The following METTL15 variants were observed in gnomAD, a reference collection of about 807,000 sequenced individuals.
METTL15 encodes the protein methyltransferase 15, mitochondrial 12S rRNA N4-cytidine.
Under a neutral mutation model 38.3 loss-of-function variants are expected in METTL15, and 34 were observed. The ratio of observed to expected loss-of-function variants is 0.89; its 90% CI spans 0.68 to 1.18. METTL15 has a LOEUF of 1.18. Ranked by LOEUF, METTL15 falls within the 50% of genes most tolerant of loss-of-function variation. The pLI is 0.00. For synonymous variants in METTL15, 162 were observed against 170.9 expected (o/e 0.95, Z 0.41); for missense variants, 438 against 498.4 (o/e 0.88, Z 1.15).
chr11:28,269,199 T>C (rs1324827351), intron 4 of METTL15, among the ~76,000 whole-genome samples: 1 of 152,148 alleles, frequency 6.6e-6, no homozygotes, highest in Non-Finnish European at 1.5e-5. Flanking sequence ...CTGGAAACCA[T>C]TAGCGATGCA....
chr11:28,337,133 T>C (rs1849907921), downstream of METTL15, among the ~76,000 whole-genome samples: 1 of 152,162 alleles, frequency 6.6e-6, no homozygotes, highest in South Asian at 2.1e-4. Flanking sequence ...AGAAAATGTT[T>C]TTGTACAGCA....
intron 5 of METTL15, among the ~76,000 whole-genome samples, chr11:28,291,127 A>G (rs1400834965): frequency 6.6e-6 from 1 of 150,758 alleles, no homozygotes; most frequent in Non-Finnish European, 1.5e-5. Context: ...TCGCACTGCA[A>G]CCTCCACCTC....
At chr11:28,479,268 A>T (rs1851374916) in intron 6 of METTL15, among the ~76,000 whole-genome samples, 1 of 152,190 alleles carries the variant, frequency 6.6e-6, no homozygotes, top group African/African-American at 2.4e-5. Context: ...AATAAGAAAG[A>T]TAGAAGCCCT....
chr11:28,237,563 C>T (rs772780953), intron 4 of METTL15, among the ~76,000 whole-genome samples: 9 of 152,240 alleles, frequency 5.9e-5, no homozygotes, highest in East Asian at 1.9e-4. Flanking sequence ...TCTTGTAGCT[C>T]GGAATAGTTT....
chr11:28,376,322 G>T (rs1300799274), intron 5 of METTL15, among the ~76,000 whole-genome samples: 1 of 151,876 alleles, frequency 6.6e-6, no homozygotes, highest in Non-Finnish European at 1.5e-5. Context: ...GTAGGTCTCA[G>T]GACTTGCTTT....
At chr11:28,310,902 CTGCTGCTGCTGCTGGTGGTGGTGG>C (rs1462803219) in intron 6 of METTL15, among the ~76,000 whole-genome samples, 2 of 91,088 alleles carry the variant, frequency 2.2e-5, no homozygotes, top group Non-Finnish European at 4.7e-5. Flanking sequence ...GCTGCTGCTG[CTGCTGCTGCTGCTGGTGGTGGTGG>C]TGGTGGTGGT....
chr11:28,135,541 CT>C (rs1849486334), intron 3 of METTL15, among the ~76,000 whole-genome samples: 1 of 152,178 alleles, frequency 6.6e-6, no homozygotes, highest in African/African-American at 2.4e-5. Context: ...TCCCAAGGGG[CT>C]TTTATTGGCT....
chr11:28,121,912 A>G (rs1455937937), intron 3 of METTL15, among the ~76,000 whole-genome samples: 1 of 152,030 alleles, frequency 6.6e-6, no homozygotes, highest in African/African-American at 2.4e-5. Context: ...CTGCCTGGCA[A>G]TGTGATGAAT....
intron 6 of METTL15, among the ~76,000 whole-genome samples, chr11:28,508,356 C>T (rs1851646771): frequency 6.6e-6 from 1 of 152,144 alleles, no homozygotes; most frequent in Non-Finnish European, 1.5e-5. Flanking sequence ...TAATAGCTGC[C>T]TAACAAATAC....
intron 3 of METTL15, among the ~76,000 whole-genome samples, chr11:28,116,491 C>T (rs1851963215): frequency 6.6e-6 from 1 of 152,160 alleles, no homozygotes; most frequent in Admixed American, 6.6e-5. Context: ...AACTGGACTG[C>T]CTAGGTTCTA....
chr11:28,221,107 T>C (rs1853193082), intron 4 of METTL15, among the ~76,000 whole-genome samples: 1 of 152,212 alleles, frequency 6.6e-6, no homozygotes, highest in Admixed American at 6.5e-5. Flanking sequence ...AATGTTGGCC[T>C]ACCTTGCTAG....
At chr11:28,205,145 G>C (rs1486916121) in intron 3 of METTL15, among the ~76,000 whole-genome samples, 1 of 151,724 alleles carries the variant, frequency 6.6e-6, no homozygotes, top group Non-Finnish European at 1.5e-5. Flanking sequence ...TAGGGTACAT[G>C]TGCACAATGT....
chr11:28,475,420 G>A (rs1390262636), intron 6 of METTL15, among the ~76,000 whole-genome samples: 3 of 152,026 alleles, frequency 2.0e-5, no homozygotes, highest in Non-Finnish European at 4.4e-5. Flanking sequence ...TACTTACTTA[G>A]TCCAAAGAGT....
intron 4 of METTL15, among the ~76,000 whole-genome samples, chr11:28,262,341 A>G (rs1205098319): frequency 6.6e-6 from 1 of 151,010 alleles, no homozygotes; most frequent in Non-Finnish European, 1.5e-5. Context: ...GCATACAGAT[A>G]TATACACTAT....
rs1470144861 is a variant in METTL15, at chr11:28,225,797, A to G, written c.407+14599A>G. Among the ~76,000 whole-genome samples the G allele has an allele frequency of 2.0e-5, 3 of 151,300 alleles. No homozygotes were observed. In the South Asian group the frequency reaches 6.3e-4, roughly 32 times the overall value. ...TAGTAACCTCTCTACCCTTATTTCT[A>G]TTTTCTACCCTATGAGCCCTCATTA... On this transcript the variant is annotated intron_variant, in intron 4 of 6. Coordinates refer to ENST00000407364, the MANE Select transcript of METTL15 (RefSeq NM_001113528.2).
intron 4 of METTL15, among the ~76,000 whole-genome samples, chr11:28,212,221 A>G (rs11601602): frequency 0.19 from 29,026 of 151,908 alleles, 3,192 homozygotes; most frequent in Non-Finnish European, 0.25. Context: ...AATACACATA[A>G]GCTTTTGTTT....
chr11:28,354,814 G>A (rs532275746), intron 4 of METTL15, among the ~76,000 whole-genome samples: 3 of 152,172 alleles, frequency 2.0e-5, no homozygotes, highest in South Asian at 2.1e-4. Context: ...TAATCCCTTC[G>A]TGTATGTTTT....
chr11:28,212,612 A>G (rs1160713403), intron 4 of METTL15, among the ~76,000 whole-genome samples: 1 of 152,172 alleles, frequency 6.6e-6, no homozygotes, highest in East Asian at 1.9e-4. Context: ...TATAGTTTAA[A>G]TCATCTCTAA....
chr11:28,331,963 C>T lies in METTL15; in HGVS notation c.*1122C>T, dbSNP rs945882434. On this transcript the variant is annotated 3_prime_UTR_variant, in exon 7 of 7. Coordinates refer to ENST00000407364, the MANE Select transcript of METTL15 (RefSeq NM_001113528.2). ...AGTTATCCTTGAAATCATATTTATACTATTAATTTGCTCAGTGCACTTTTT... is the reference window on the plus strand; with the variant it reads ...AGTTATCCTTGAAATCATATTTATATTATTAATTTGCTCAGTGCACTTTTT... 12 of 152,074 alleles carry T rather than the reference C, an allele frequency of 7.9e-5. No individual in the cohort carries two copies. The highest frequency in any genetic ancestry group is 1.6e-4 in the Non-Finnish European group (11 of 67,986). 9.4% of individuals were successfully genotyped at this position (152,074 alleles called of 1,614,324 possible).
Sources: gnomAD v4.1 joint callset for allele counts (sites outside exome capture counted in the v4.1 genomes callset) on GRCh38, gnomAD v4.1.1 for gene constraint, MANE v1.5 for transcripts, NCBI Gene and HGNC (gene_info 2026-07-23, HGNC 2026-07-21) for gene names.